TENM2: variants seen among roughly 807,000 people sequenced by gnomAD.
TENM2 encodes the protein teneurin-2.
In TENM2, 52 loss-of-function variants were observed where a neutral mutation model predicts 245.2. That is an observed-to-expected ratio of 0.21 (90% CI 0.17 to 0.27). The LOEUF (loss-of-function observed/expected upper bound fraction) is 0.27, where lower values mean the gene tolerates loss of function less well. Among genes scored for constraint, TENM2 ranks in the 10% least tolerant of loss-of-function variants. TENM2 has a pLI of 1.00. For synonymous variants in TENM2, 1,363 were observed against 1,438.9 expected (o/e 0.95, Z 1.19); for missense variants, 3,046 against 3,666.8 (o/e 0.83, Z 4.37).
chr5:167,345,892 CA>C (rs57279945), intron 1 of TENM2, among the ~76,000 whole-genome samples: 4,975 of 67,884 alleles, frequency 0.073, 70 homozygotes, highest in Middle Eastern at 0.11. Context: ...AACATACAGC[CA>C]AAAAAAAAAA....
intron 2 of TENM2, among the ~76,000 whole-genome samples, chr5:167,760,363 A>T (rs905928479): frequency 6.6e-6 from 1 of 152,194 alleles, no homozygotes; most frequent in African/African-American, 2.4e-5. Context: ...GCAAGGAAAG[A>T]ATTTAATACA....
chr5:167,405,107 G>A (rs1412484750), intron 2 of TENM2, among the ~76,000 whole-genome samples: 3 of 152,132 alleles, frequency 2.0e-5, no homozygotes, highest in Non-Finnish European at 4.4e-5. Context: ...GCCACAGAAT[G>A]TGTCAGTTCT....
intron 9 of TENM2, among the ~76,000 whole-genome samples, chr5:168,108,155 G>A (rs189590828): frequency 2.6e-5 from 4 of 152,198 alleles, no homozygotes; most frequent in Non-Finnish European, 5.9e-5. Flanking sequence ...CAATCATGCA[G>A]CAATAAATCA....
chr5:167,177,185 C>A, the TENM2 span, among the ~76,000 whole-genome samples: 1 of 152,252 alleles, frequency 6.6e-6, no homozygotes, highest in East Asian at 1.9e-4. Context: ...TTTCACCTGA[C>A]AGCCTAAGCC....
chr5:167,396,878 C>T (rs971630170), intron 2 of TENM2, among the ~76,000 whole-genome samples: 4 of 152,100 alleles, frequency 2.6e-5, no homozygotes, highest in African/African-American at 9.7e-5. Flanking sequence ...AGAGATGCAT[C>T]TTGGGCACCT....
intron 2 of TENM2, among the ~76,000 whole-genome samples, chr5:167,484,357 A>C (rs532742956): frequency 6.6e-6 from 1 of 152,056 alleles, no homozygotes; most frequent in Non-Finnish European, 1.5e-5. Flanking sequence ...GTGGACCTTA[A>C]TCTCACTGAT....
At chr5:167,664,960 T>G (rs1005424325) in intron 2 of TENM2, among the ~76,000 whole-genome samples, 1 of 152,228 alleles carries the variant, frequency 6.6e-6, no homozygotes, top group Non-Finnish European at 1.5e-5. Context: ...AGTCAGGACA[T>G]GGGCTAAATA....
chr5:167,220,214 C>T, the TENM2 span, among the ~76,000 whole-genome samples: 1 of 152,080 alleles, frequency 6.6e-6, no homozygotes, highest in Non-Finnish European at 1.5e-5. Flanking sequence ...GAGGTATCCT[C>T]TTGGGAGGAG....
At chr5:167,620,988 C>T (rs2127770071) in intron 2 of TENM2, among the ~76,000 whole-genome samples, 1 of 152,180 alleles carries the variant, frequency 6.6e-6, no homozygotes, top group Non-Finnish European at 1.5e-5. Flanking sequence ...GTCCCTTTTA[C>T]ATCCATTTTC....
chr5:168,256,802 A>G (rs1168892807), intron 27 of TENM2, among the ~76,000 whole-genome samples: 1 of 152,212 alleles, frequency 6.6e-6, no homozygotes, highest in Non-Finnish European at 1.5e-5. Flanking sequence ...TGCCCAAGGA[A>G]GGTGGATAGA....
chr5:167,746,710 A>AGAGAGAGAGAGAGCGAGC (rs761614775), intron 2 of TENM2, among the ~76,000 whole-genome samples: 433 of 144,936 alleles, frequency 3.0e-3, no homozygotes, highest in Non-Finnish European at 4.5e-3. Context: ...AGAGAGAGAG[A>AGAGAGAGAGAGAGCGAGC]GAGAGCTGGA....
the TENM2 span, among the ~76,000 whole-genome samples, chr5:167,111,197 A>G: frequency 2.6e-5 from 4 of 152,128 alleles, no homozygotes; most frequent in African/African-American, 7.2e-5. Context: ...GCTATCTGGT[A>G]CTGTTCCCAT....
chr5:168,034,430 G>A (rs1035588646), intron 5 of TENM2, among the ~76,000 whole-genome samples: 2 of 151,500 alleles, frequency 1.3e-5, no homozygotes, highest in African/African-American at 2.4e-5. Flanking sequence ...AAGTGGTGTG[G>A]TTATAAAATA....
chr5:168,063,046 C>G (rs943740651), intron 7 of TENM2, among the ~76,000 whole-genome samples: 6 of 152,180 alleles, frequency 3.9e-5, no homozygotes, highest in Admixed American at 3.9e-4. Context: ...AAAATAAATG[C>G]TAATATCCCA....
intron 2 of TENM2, among the ~76,000 whole-genome samples, chr5:167,734,526 A>G (rs1760667607): frequency 6.7e-6 from 1 of 149,524 alleles, no homozygotes; most frequent in African/African-American, 2.4e-5. Context: ...ATATATTAAT[A>G]GTTAATGACA....
chr5:167,995,729 G>C (rs945450632), intron 5 of TENM2, among the ~76,000 whole-genome samples: 1 of 152,194 alleles, frequency 6.6e-6, no homozygotes, highest in African/African-American at 2.4e-5. Flanking sequence ...CAGAAGTATG[G>C]TGAGGATTAA....
chr5:167,396,298 C>T (rs905527274), intron 2 of TENM2, among the ~76,000 whole-genome samples: 1 of 151,908 alleles, frequency 6.6e-6, no homozygotes, highest in African/African-American at 2.4e-5. Context: ...GAAAATCCTG[C>T]CATATGATAC....
At chr5:167,733,590 G>C (rs545013724) in intron 2 of TENM2, among the ~76,000 whole-genome samples, 1 of 152,134 alleles carries the variant, frequency 6.6e-6, no homozygotes, top group Non-Finnish European at 1.5e-5. Flanking sequence ...TAAGACTTGC[G>C]CCAGAGTACC....
intron 6 of TENM2, among the ~76,000 whole-genome samples, chr5:168,060,242 A>T (rs1789920768): frequency 6.6e-6 from 1 of 151,268 alleles, no homozygotes; most frequent in African/African-American, 2.4e-5. Flanking sequence ...AAAAAAAAAA[A>T]GAAAAAAGAA....
Sources: gnomAD v4.1 joint callset for allele counts (sites outside exome capture counted in the v4.1 genomes callset) on GRCh38, gnomAD v4.1.1 for gene constraint, MANE v1.5 for transcripts, NCBI Gene and HGNC (gene_info 2026-07-23, HGNC 2026-07-21) for gene names.